The following DIS3L2 variants were observed in gnomAD, a reference collection of about 807,000 sequenced individuals.
DIS3L2 encodes the protein DIS3-like exonuclease 2.
A neutral mutation model predicts 97.5 loss-of-function variants in DIS3L2; 34 were observed. The ratio of observed to expected loss-of-function variants is 0.35; its 90% CI spans 0.27 to 0.46. The LOEUF (loss-of-function observed/expected upper bound fraction) is 0.46. Ranked by LOEUF, DIS3L2 falls within the 20% of genes least tolerant of loss-of-function variation. DIS3L2 has a pLI of 1.00. For synonymous variants in DIS3L2, 435 were observed against 445.2 expected (o/e 0.98, Z 0.29); for missense variants, 1,038 against 1,146.0 (o/e 0.91, Z 1.36).
intron 1 of DIS3L2, among the ~76,000 whole-genome samples, chr2:231,983,927 G>C (rs1227204221): frequency 1.3e-5 from 2 of 150,866 alleles, no homozygotes; most frequent in Non-Finnish European, 3.0e-5. Context: ...TGTAGTATAA[G>C]TGGAACAAAG....
At chr2:232,086,303 ACATATGTATATGTATATGCATATG>A (rs1226654588) in intron 5 of DIS3L2, among the ~76,000 whole-genome samples, 3 of 149,342 alleles carry the variant, frequency 2.0e-5, no homozygotes, top group Non-Finnish European at 3.0e-5. Flanking sequence ...ATACATATAT[ACATATGTATATGTATATGCATATG>A]CATATGTATA....
intron 14 of DIS3L2, among the ~76,000 whole-genome samples, chr2:232,319,457 G>A (rs929164118): frequency 6.6e-6 from 1 of 152,230 alleles, no homozygotes; most frequent in Non-Finnish European, 1.5e-5. Context: ...AGACAGCACA[G>A]TTACTCTCCA....
At chr2:232,042,905 G>T (rs922381236) in intron 5 of DIS3L2, among the ~76,000 whole-genome samples, 1 of 152,230 alleles carries the variant, frequency 6.6e-6, no homozygotes, top group Non-Finnish European at 1.5e-5. Flanking sequence ...CTAAGTGCTT[G>T]AGAGATGTCA....
intron 14 of DIS3L2, among the ~76,000 whole-genome samples, chr2:232,310,399 A>G (rs1010105210): frequency 1.3e-5 from 2 of 152,170 alleles, no homozygotes; most frequent in African/African-American, 4.8e-5. Context: ...AGTGTTTGGC[A>G]TCAGCATGAT....
chr2:232,277,215 G>A (rs1360366879), intron 13 of DIS3L2, among the ~76,000 whole-genome samples: 1 of 152,106 alleles, frequency 6.6e-6, no homozygotes, highest in Non-Finnish European at 1.5e-5. Flanking sequence ...TCCTTAATGG[G>A]GTAAGATTTG....
rs1223286970 is a variant in DIS3L2 at position 232,037,424 on chromosome 2, A to G, written c.366+7344A>G. Among the ~76,000 whole-genome samples the G allele has an allele frequency of 6.6e-6, 1 of 152,188 alleles. No individual in the cohort carries two copies. Among genetic ancestry groups the G allele is most frequent in the Non-Finnish European group, 1.5e-5 (1 of 68,022 alleles). ...TGTCCCAGGTCGACTTCAGACTGCTATGCTGGCAGCAAGAATTTCAAACCA... is the reference window on the plus strand; with the variant it reads ...TGTCCCAGGTCGACTTCAGACTGCTGTGCTGGCAGCAAGAATTTCAAACCA... On this transcript the variant is annotated intron_variant, in intron 5 of 20. Coordinates refer to ENST00000325385, the MANE Select transcript of DIS3L2 (RefSeq NM_152383.5). The surrounding 1 kb of genome is among the most constrained non-coding windows in gnomAD (Gnocchi z 4.6).
intron 6 of DIS3L2, among the ~76,000 whole-genome samples, chr2:232,105,462 G>A (rs1325178896): frequency 6.6e-6 from 1 of 152,038 alleles, no homozygotes; most frequent in Non-Finnish European, 1.5e-5. Flanking sequence ...AATATAACTG[G>A]AGCTTGCCCA....
intron 9 of DIS3L2, among the ~76,000 whole-genome samples, chr2:232,181,505 G>C (rs2106183818): frequency 6.6e-6 from 1 of 152,230 alleles, no homozygotes; most frequent in African/African-American, 2.4e-5. Context: ...TGGAGGCTTT[G>C]CTTGTTTCTT....
intron 13 of DIS3L2, among the ~76,000 whole-genome samples, chr2:232,342,383 AAG>A (rs145171300): frequency 7.0e-4 from 106 of 152,264 alleles, no homozygotes; most frequent in Middle Eastern, 3.4e-3. Context: ...GTAAAACACC[AAG>A]AGAGAGGAAA....
At chr2:232,211,710 G>T (rs3116203) in intron 10 of DIS3L2, among the ~76,000 whole-genome samples, 1 of 152,148 alleles carries the variant, frequency 6.6e-6, no homozygotes, top group East Asian at 1.9e-4. Context: ...ACAGAACGCC[G>T]TAGGTTCAGT....
At chr2:231,973,369 G>A (rs1217775931) in intron 1 of DIS3L2, among the ~76,000 whole-genome samples, 1 of 151,996 alleles carries the variant, frequency 6.6e-6, no homozygotes, top group African/African-American at 2.4e-5. Flanking sequence ...AAATGAGCTG[G>A]ACATACAGAT....
At chr2:232,254,638 G>T (rs1693507383) in intron 12 of DIS3L2, among the ~76,000 whole-genome samples, 1 of 152,170 alleles carries the variant, frequency 6.6e-6, no homozygotes, top group African/African-American at 2.4e-5. Flanking sequence ...GCCAAAGTCA[G>T]ACCCAAGAAA....
At chr2:232,028,361 C>A (rs1220077451) in intron 4 of DIS3L2, among the ~76,000 whole-genome samples, 1 of 152,088 alleles carries the variant, frequency 6.6e-6, no homozygotes, top group Non-Finnish European at 1.5e-5. Context: ...TTGAGCAGTT[C>A]CCAAGCTTAG....
chr2:232,259,929 G>C (rs1360416368), intron 12 of DIS3L2: 1 of 152,228 alleles, frequency 6.6e-6, no homozygotes, highest in Non-Finnish European at 1.5e-5. Context: ...ACCGTGCTTG[G>C]CCAAAATTCA....
intron 13 of DIS3L2, among the ~76,000 whole-genome samples, chr2:232,282,316 C>T (rs1467626688): frequency 2.0e-5 from 3 of 152,138 alleles, no homozygotes; most frequent in Non-Finnish European, 4.4e-5. Flanking sequence ...GGGGTGACCC[C>T]ACCATCAGGA....
intron 8 of DIS3L2, among the ~76,000 whole-genome samples, chr2:232,158,128 G>A (rs1303077172): frequency 6.6e-6 from 1 of 152,168 alleles, no homozygotes; most frequent in East Asian, 1.9e-4. Flanking sequence ...AGTGGACCAC[G>A]GACATAGGGC....
At chr2:232,166,354 C>G (rs1690818679) in intron 9 of DIS3L2, among the ~76,000 whole-genome samples, 1 of 152,142 alleles carries the variant, frequency 6.6e-6, no homozygotes, top group Admixed American at 6.6e-5. Context: ...GCGCGCGCGC[C>G]CTGTGAAAGG....
At chr2:232,052,379 G>A (rs1695435170) in intron 5 of DIS3L2, among the ~76,000 whole-genome samples, 1 of 152,188 alleles carries the variant, frequency 6.6e-6, no homozygotes, top group Admixed American at 6.5e-5. Flanking sequence ...GTAGATTTCA[G>A]TTGATCCAGG....
At chr2:232,004,013 G>A (rs181987937) in intron 1 of DIS3L2, among the ~76,000 whole-genome samples, 2 of 152,028 alleles carry the variant, frequency 1.3e-5, no homozygotes, top group East Asian at 3.8e-4. Context: ...GATGTTTTTA[G>A]CCAGTGTTTC....
Sources: allele counts gnomAD v4.1 joint callset (sites outside exome capture counted in the v4.1 genomes callset), GRCh38; gene constraint gnomAD v4.1.1; non-coding constraint Gnocchi (gnomAD v3.1); transcripts MANE v1.5; gene names NCBI Gene and HGNC (gene_info 2026-07-23, HGNC 2026-07-21).